Variants in PCDHGA5 observed in about 807,000 individuals in gnomAD.
The protein encoded by PCDHGA5 is protocadherin gamma-A5.
Under a neutral mutation model 56.7 loss-of-function variants are expected in PCDHGA5, and 36 were observed. That is an observed-to-expected ratio of 0.64 (90% CI 0.49 to 0.84). The LOEUF (loss-of-function observed/expected upper bound fraction) is 0.84, where lower values mean the gene tolerates loss of function less well. Ranked by LOEUF, PCDHGA5 falls within the 40% of genes least tolerant of loss-of-function variation. PCDHGA5 has a pLI of 0.00. For synonymous variants in PCDHGA5, 563 were observed against 520.2 expected, an observed-to-expected ratio of 1.08 and a Z score of -1.12; for missense variants, 1,305 against 1,201.5, an observed-to-expected ratio of 1.09 and a Z score of -1.27.
At position 141,511,399 on chromosome 5, in the gene PCDHGA5, A is replaced by C; in HGVS notation, c.*226A>C. 1.0e-6 allele frequency: 1 copy of C among 987,714 alleles called. No homozygotes were observed. The highest frequency in any genetic ancestry group is 1.4e-6 in the Non-Finnish European group (1 of 693,342). The allele number at this position is 987,714 out of a possible 1,614,324, so 61.2% of individuals were successfully genotyped here. ...CAGTTCCGCTGGGAACCCCCATCCA[A>C]TCAACTGCTGTACCCATGGGGGTAG... On this transcript the variant is annotated 3_prime_UTR_variant, in exon 4 of 4. Transcript: ENST00000518069.
intron 1 of PCDHGA5, chr5:141,374,609 A>T (rs1189289267): frequency 1.9e-6 from 3 of 1,613,652 alleles, no homozygotes; most frequent in Non-Finnish European, 2.5e-6. Context: ...CAGTGGTAAT[A>T]GTCACTTCTC....
chr5:141,458,922 G>A (rs747489537), intron 1 of PCDHGA5, among the ~76,000 whole-genome samples: 2 of 151,918 alleles, frequency 1.3e-5, no homozygotes, highest in East Asian at 1.9e-4. Flanking sequence ...TTGTGGAGAC[G>A]GGGTCTCACT....
chr5:141,458,059 T>G (rs533147047), intron 1 of PCDHGA5, among the ~76,000 whole-genome samples: 39 of 152,358 alleles, frequency 2.6e-4, no homozygotes, highest in African/African-American at 8.9e-4. Context: ...CTTGCTGCAC[T>G]GATGCGAACA....
intron 1 of PCDHGA5, chr5:141,427,054 C>T (rs1235803553): frequency 4.4e-6 from 2 of 457,580 alleles, no homozygotes; most frequent in Admixed American, 4.7e-5. Context: ...CCCCCAGGCA[C>T]CTCTGTACTA....
At chr5:141,385,015 G>C in intron 1 of PCDHGA5, 2 of 1,614,018 alleles carry the variant, frequency 1.2e-6, no homozygotes, top group South Asian at 2.2e-5. Context: ...CGTCTTCCTA[G>C]CCTTCGTCCT....
chr5:141,511,135 G>A lies in PCDHGA5; in HGVS notation c.2758G>A (p.Gly920Ser), dbSNP rs200541479. Residue 920 changes from glycine to serine, a missense_variant, in exon 4 of 4, where the codon GGC becomes AGC. Physicochemically the swap from Gly to Ser is moderately conservative, Grantham distance 56. Coordinates refer to ENST00000518069, the MANE Select transcript of PCDHGA5 (RefSeq NM_018918.3). The stretch of plus-strand genomic sequence containing the variant: ...TGGCAAGGCCCCAGCAGGTGGCAAT[G>A]GCAACAAGAAGAAGTCGGGCAAGAA... ...RDGKAPAGGN[G>S]NKKKSGKKEK... 2.8e-4 allele frequency: 448 copies of A among 1,614,188 alleles called. No homozygotes were observed. Among genetic ancestry groups the A allele is most frequent in the Non-Finnish European group, 3.0e-4 (352 of 1,180,016 alleles).
chr5:141,417,683 A>AAG lies in PCDHGA5; in HGVS notation c.2421+50933_2421+50934insGA, dbSNP rs201105096. 3.0e-3 allele frequency: 3,154 copies of AAG among 1,038,272 alleles called. 110 individuals carry two copies. In the East Asian group the frequency reaches 0.071, roughly 24 times the overall value. The allele number at this position is 1,038,272 out of a possible 1,614,324, so 64.3% of individuals were successfully genotyped here. The stretch of plus-strand genomic sequence containing the variant: ...GATTCCCTGCGCAGCCAACAACAGA[A>AAG]AAGAAAACCAGCTCCCACACAGAGG... On this transcript the variant is annotated intron_variant, in intron 1 of 3. Transcript: ENST00000518069.
chr5:141,476,950 A>T lies in PCDHGA5; in HGVS notation c.2422-17857A>T, dbSNP rs1224572890. 2 of 1,614,158 alleles carry T rather than the reference A, an allele frequency of 1.2e-6. No homozygotes were observed. The highest frequency in any genetic ancestry group is 4.5e-5 in the East Asian group (2 of 44,878). ...ATCTGGATGAAGGCCCCAACGGTGA[A>T]ATTATTTACTCCTTCGGCAGCCACA... On this transcript the variant is annotated intron_variant, in intron 1 of 3. Transcript: ENST00000518069. The surrounding 1 kb of genome is among the most constrained non-coding windows in gnomAD (Gnocchi z 7.6).
chr5:141,385,171 T>C, intron 1 of PCDHGA5: 1 of 1,614,170 alleles, frequency 6.2e-7, no homozygotes, highest in South Asian at 1.1e-5. Context: ...CCATGAGGTC[T>C]CCCTCACCGC....
chr5:141,413,881 G>C (rs774026375), intron 1 of PCDHGA5: 5 of 1,613,400 alleles, frequency 3.1e-6, no homozygotes, highest in Non-Finnish European at 4.2e-6. Context: ...CAGTGTGACT[G>C]TCTTCGATGC....
chr5:141,380,568 A>T (rs1449370426), intron 1 of PCDHGA5, among the ~76,000 whole-genome samples: 1 of 152,214 alleles, frequency 6.6e-6, no homozygotes, highest in Admixed American at 6.5e-5. Context: ...TTTATTAAAC[A>T]TATCTTGGCG....
At chr5:141,494,564 G>A (rs2099755274) in intron 1 of PCDHGA5, among the ~76,000 whole-genome samples, 1 of 152,138 alleles carries the variant, frequency 6.6e-6, no homozygotes, top group Non-Finnish European at 1.5e-5. Context: ...TTTAGGAAAG[G>A]AGTCTCAGCT....
intron 1 of PCDHGA5, among the ~76,000 whole-genome samples, chr5:141,401,149 C>T (rs1398876381): frequency 6.6e-6 from 1 of 152,132 alleles, no homozygotes; most frequent in Non-Finnish European, 1.5e-5. Flanking sequence ...CAAGACCAGC[C>T]TGGGCAATAT....
chr5:141,453,050 C>A (rs2098754757), intron 1 of PCDHGA5, among the ~76,000 whole-genome samples: 3 of 152,006 alleles, frequency 2.0e-5, no homozygotes, highest in Non-Finnish European at 4.4e-5. Context: ...CTATTATGTG[C>A]AGTTTTAGAG....
intron 1 of PCDHGA5, chr5:141,390,100 C>A (rs2092045935): frequency 1.2e-6 from 2 of 1,614,060 alleles, no homozygotes; most frequent in Non-Finnish European, 1.7e-6. Context: ...GTGGTTCCCC[C>A]CAACTACAGC....
At chr5:141,383,532 C>T (rs1249909520) in intron 1 of PCDHGA5, 4 of 1,612,320 alleles carry the variant, frequency 2.5e-6, no homozygotes, top group Non-Finnish European at 3.4e-6. Context: ...ACCACCTGGT[C>T]CTCACAGCCT....
At chr5:141,410,846 TGTC>T (rs1025068052) in intron 1 of PCDHGA5, 5 of 423,660 alleles carry the variant, frequency 1.2e-5, no homozygotes, top group South Asian at 4.0e-5. Flanking sequence ...ATTTTGTCTT[TGTC>T]TTTTTTTTTT....
intron 1 of PCDHGA5, chr5:141,408,333 G>T (rs746692686): frequency 3.7e-6 from 6 of 1,613,924 alleles, no homozygotes; most frequent in Admixed American, 3.3e-5. Flanking sequence ...CTGGCCAAGG[G>T]CTCGGTGGTG....
Position 141,476,659 on chromosome 5 carries a change from G to C in PCDHGA5, c.2422-18148G>C. On this transcript the variant is annotated intron_variant, in intron 1 of 3. Transcript: ENST00000518069. This position sits in a 1 kb window ranked among gnomAD's most constrained non-coding sequence, Gnocchi z 7.6. ...AGCTGAGCCGAAATGAATACTTTGCGCTTCGCGTGCAGACGCGGGAGGACA... is the reference window on the plus strand; with the variant it reads ...AGCTGAGCCGAAATGAATACTTTGCCCTTCGCGTGCAGACGCGGGAGGACA... 1 of 1,614,252 alleles carries C rather than the reference G, an allele frequency of 6.2e-7. No individual in the cohort carries two copies. The highest frequency in any genetic ancestry group is 8.5e-7 in the Non-Finnish European group (1 of 1,180,048).
Sources: allele counts gnomAD v4.1 joint callset (sites outside exome capture counted in the v4.1 genomes callset), GRCh38; gene constraint gnomAD v4.1.1; non-coding constraint Gnocchi (gnomAD v3.1); transcripts MANE v1.5; gene names NCBI Gene and HGNC (gene_info 2026-07-23, HGNC 2026-07-21).